PTK7: variants seen among roughly 807,000 people sequenced by gnomAD.
PTK7 encodes the protein inactive tyrosine-protein kinase 7.
Under a neutral mutation model 116.6 loss-of-function variants are expected in PTK7, and 39 were observed. That is an observed-to-expected ratio of 0.33 (90% confidence interval 0.26 to 0.44). The LOEUF (loss-of-function observed/expected upper bound fraction) is 0.44, where lower values mean the gene tolerates loss of function less well. Ranked by LOEUF, PTK7 falls within the 20% of genes least tolerant of loss-of-function variation. The probability of loss-of-function intolerance (pLI) is 1.00; values close to 1 mark genes in which losing one functional copy is unlikely to be tolerated. For synonymous variants in PTK7, 546 were observed against 563.6 expected (o/e 0.97, Z 0.44); for missense variants, 1,169 against 1,425.6 (o/e 0.82, Z 2.90).
At chr6:43,130,704 C>T (rs1208234652) in intron 5 of PTK7, 43 bp downstream of exon 5, 2 of 1,599,912 alleles carry the variant, frequency 1.3e-6, no homozygotes, top group South Asian at 2.2e-5. Context: ...ATGTACCACA[C>T]ACATGCATTC....
In PTK7 at chr6:43,141,612, C is replaced by T; in HGVS notation, c.1619-56C>T. 35 of 1,569,190 alleles carry T rather than the reference C, an allele frequency of 2.2e-5. No homozygotes were observed. Among genetic ancestry groups the T allele is most frequent in the Non-Finnish European group, 3.0e-5 (34 of 1,148,492 alleles). On this transcript the variant is annotated intron_variant, in intron 10 of 19. Transcript: ENST00000230419. The surrounding 1 kb of genome is among the most constrained non-coding windows in gnomAD (Gnocchi z 4.9). ...TAGAGGTGAGGGACTGAAGGCATTGCCAGCTGTCTGTGTAACCCTGATCCT... is the reference window on the plus strand; with the variant it reads ...TAGAGGTGAGGGACTGAAGGCATTGTCAGCTGTCTGTGTAACCCTGATCCT...
At chr6:43,092,356 G>A (rs1336612742) in intron 1 of PTK7, among the ~76,000 whole-genome samples, 5 of 151,190 alleles carry the variant, frequency 3.3e-5, no homozygotes, top group African/African-American at 1.2e-4. Flanking sequence ...TGTAGGGATA[G>A]GCTCTTGCTC....
In PTK7 at chr6:43,143,461, C is replaced by A. The variant is rs761988485; in HGVS notation, c.2092C>A (p.Pro698Thr). 6.2e-7 allele frequency: 1 copy of A among 1,614,072 alleles called. No homozygotes were observed. Among genetic ancestry groups the A allele is most frequent in the East Asian group, 2.2e-5 (1 of 44,864 alleles). Reference protein sequence around the residue: ...EESEGPGSPPPYKMIQTIGLS... With the variant: ...EESEGPGSPPTYKMIQTIGLS... ...GTCGGAGGGCCCTGGCAGCCCTCCCCCCTACAAGATGATCCAGACCATTGG... is the reference window on the plus strand; with the variant it reads ...GTCGGAGGGCCCTGGCAGCCCTCCCACCTACAAGATGATCCAGACCATTGG... The change falls in exon 14 of 20, where the codon CCC becomes ACC. Residue 698 changes from proline (P) to threonine (T), a missense_variant. Pro to Thr is a conservative substitution (Grantham distance 38). Around this residue, in one of 3 missense-constraint regions of PTK7, gnomAD observed 678 missense variants for 853.8 expected, o/e 0.79. Transcript: ENST00000230419. The surrounding 1 kb of genome is among the most constrained non-coding windows in gnomAD (Gnocchi z 4.2).
intron 1 of PTK7, among the ~76,000 whole-genome samples, chr6:43,092,045 T>C (rs1414370909): frequency 6.6e-6 from 1 of 152,128 alleles, no homozygotes; most frequent in East Asian, 1.9e-4. Flanking sequence ...GTATTTTTAG[T>C]AGCGATGGGG....
At chr6:43,087,329 T>G (rs1766715929) in intron 1 of PTK7, among the ~76,000 whole-genome samples, 1 of 152,180 alleles carries the variant, frequency 6.6e-6, no homozygotes, top group Non-Finnish European at 1.5e-5. Context: ...GCAGAATCCT[T>G]GGGAAGAGTG....
chr6:43,100,633 C>T (rs1376426304), intron 1 of PTK7, among the ~76,000 whole-genome samples: 1 of 151,900 alleles, frequency 6.6e-6, no homozygotes, highest in Non-Finnish European at 1.5e-5. Flanking sequence ...TTTAATTTGG[C>T]CGTGTCCAAT....
intron 1 of PTK7, among the ~76,000 whole-genome samples, chr6:43,080,954 TAC>T (rs59525398): frequency 4.0e-4 from 59 of 148,218 alleles, no homozygotes; most frequent in East Asian, 1.6e-3. Context: ...AAAAAAAAAA[TAC>T]ACACACACAC....
At chr6:43,091,631 A>G (rs1405151717) in intron 1 of PTK7, among the ~76,000 whole-genome samples, 2 of 152,114 alleles carry the variant, frequency 1.3e-5, no homozygotes, top group East Asian at 3.8e-4. Flanking sequence ...TACGGTAGTC[A>G]CCCCTTATCT....
chr6:43,137,251 G>A (rs888611253), intron 7 of PTK7, among the ~76,000 whole-genome samples: 3 of 152,142 alleles, frequency 2.0e-5, no homozygotes, highest in Non-Finnish European at 2.9e-5. Flanking sequence ...CTAAGTAGAT[G>A]ACTATAATAG....
chr6:43,157,364 A>ATATATATTTTTTTTTT (rs70990168), intron 17 of PTK7, among the ~76,000 whole-genome samples: 4 of 54,362 alleles, frequency 7.4e-5, no homozygotes, highest in Admixed American at 2.4e-4. Context: ...ATATATATAT[A>ATATATATTTTTTTTTT]TTTTTTTTTT....
At position 43,146,411 on chromosome 6, in the gene PTK7, AACTGAG is replaced by A. The variant is rs539240203; in HGVS notation, c.2641-204_2641-199del. On this transcript the variant is annotated intron_variant, in intron 16 of 19. Transcript: ENST00000230419. ...AGAAATGCCAATTCTCCTCCTTTCTAACTGAGACAGCCTCTAGGAGGCGTCTCCTAT... is the reference window on the plus strand; with the variant it reads ...AGAAATGCCAATTCTCCTCCTTTCTAACAGCCTCTAGGAGGCGTCTCCTAT... Among the ~76,000 whole-genome samples, 51 of 152,024 alleles carry A rather than the reference AACTGAG, an allele frequency of 3.4e-4. No individual in the cohort carries two copies. In the East Asian group the frequency reaches 9.7e-3, roughly 29 times the overall value.
At position 43,161,240 on chromosome 6, in the gene PTK7, G is replaced by T; in HGVS notation, c.*359G>T. On this transcript the variant is annotated 3_prime_UTR_variant, in exon 20 of 20. Coordinates refer to ENST00000230419, the MANE Select transcript of PTK7 (RefSeq NM_002821.5). The stretch of plus-strand genomic sequence containing the variant: ...TCATCTGCCAACTTTGCCTGGGGAG[G>T]GCTAGGCTTGGGATGAGCTGGGTTT... 1 of 236,944 alleles carries T rather than the reference G, an allele frequency of 4.2e-6. No homozygotes were observed. The highest frequency in any genetic ancestry group is 8.4e-6 in the Non-Finnish European group (1 of 119,592). The allele number at this position is 236,944 out of a possible 1,614,324, so 14.7% of individuals were successfully genotyped here.
At chr6:43,101,538 C>A (rs1469111592) in intron 1 of PTK7, among the ~76,000 whole-genome samples, 3 of 144,950 alleles carry the variant, frequency 2.1e-5, no homozygotes, top group Admixed American at 7.0e-5. Flanking sequence ...GGTCACAGAG[C>A]AAGACTCCGT....
At position 43,129,901 on chromosome 6, in the gene PTK7, A is replaced by T; in HGVS notation, c.470+72A>T. ...GATGTCTCCCCAAATCTTGGACTCT[A>T]TGCGGATGTTACCTCGCTCCATTCT... On this transcript the variant is annotated intron_variant, in intron 3 of 19. Coordinates refer to ENST00000230419, the MANE Select transcript of PTK7 (RefSeq NM_002821.5). The surrounding 1 kb of genome is among the most constrained non-coding windows in gnomAD (Gnocchi z 4.5). 7.1e-7 allele frequency: 1 copy of T among 1,415,596 alleles called. No homozygotes were observed. The allele number at this position is 1,415,596 out of a possible 1,614,324, so 87.7% of individuals were successfully genotyped here. A position where few individuals can be genotyped will look rare whatever the true frequency, so the allele number is the denominator to read the frequency against.
chr6:43,121,466 G>C (rs1052461092), intron 1 of PTK7, among the ~76,000 whole-genome samples: 1 of 152,218 alleles, frequency 6.6e-6, no homozygotes, highest in African/African-American at 2.4e-5. Flanking sequence ...GCTCCCTCTT[G>C]CTCTGCTTAG....
At position 43,160,970 on chromosome 6, in the gene PTK7, G is replaced by A; in HGVS notation, c.*89G>A. 6.0e-6 allele frequency: 9 copies of A among 1,498,996 alleles called. No individual in the cohort carries two copies. Among genetic ancestry groups the A allele is most frequent in the Non-Finnish European group, 7.1e-6 (8 of 1,119,490 alleles). The allele number at this position is 1,498,996 out of a possible 1,614,324, so 92.9% of individuals were successfully genotyped here. ...TGATGGGCAAGATCCCTGTCCTCCT[G>A]GGCCCTGAGGCCCCTGCCCTAGTGC... On this transcript the variant is annotated 3_prime_UTR_variant, in exon 20 of 20. Transcript: ENST00000230419.
chr6:43,102,273 A>C (rs1388873206), intron 1 of PTK7, among the ~76,000 whole-genome samples: 1 of 151,952 alleles, frequency 6.6e-6, no homozygotes, highest in Non-Finnish European at 1.5e-5. Flanking sequence ...AAAAACCCAA[A>C]AATTAGCTGG....
At chr6:43,123,746 G>A (rs1769108692) in intron 1 of PTK7, among the ~76,000 whole-genome samples, 1 of 152,178 alleles carries the variant, frequency 6.6e-6, no homozygotes, top group Non-Finnish European at 1.5e-5. Flanking sequence ...TCGGCGCCTG[G>A]TGTGGGCAGA....
At chr6:43,103,139 A>G (rs910255535) in intron 1 of PTK7, among the ~76,000 whole-genome samples, 16 of 152,236 alleles carry the variant, frequency 1.1e-4, no homozygotes, top group African/African-American at 3.4e-4. Context: ...TACAACAGGA[A>G]CATTTATCCA....
Sources: gnomAD v4.1 joint callset for allele counts (sites outside exome capture counted in the v4.1 genomes callset) on GRCh38, gnomAD v4.1.1 for gene constraint, gnomAD v4.1.1 regional missense constraint, Gnocchi (gnomAD v3.1) non-coding constraint, MANE v1.5 for transcripts, NCBI Gene and HGNC (gene_info 2026-07-23, HGNC 2026-07-21) for gene names.